Variants in ERO1A observed in about 807,000 individuals in gnomAD.
ERO1A encodes ERO1-like protein alpha.
ERO1A carries 49 observed loss-of-function variants against 76.9 expected under a neutral mutation model. The observed-to-expected ratio is 0.64, with a 90% CI of 0.51 to 0.81. ERO1A has a LOEUF of 0.81. Ranked by LOEUF, ERO1A falls within the 30% of genes least tolerant of loss-of-function variation. ERO1A has a pLI of 0.00. For missense variants in ERO1A, 448 were observed against 542.1 expected (o/e 0.83, Z 1.72); for synonymous variants, 174 against 181.2 (o/e 0.96, Z 0.32).
At chr14:52,680,082 C>CAAAAAAAAAAAAAAAAAA (rs35358193) in intron 3 of ERO1A, among the ~76,000 whole-genome samples, 4 of 90,922 alleles carry the variant, frequency 4.4e-5, no homozygotes, top group Admixed American at 1.3e-4. Flanking sequence ...AAAACACAAA[C>CAAAAAAAAAAAAAAAAAA]AAAAAAAAAA....
At chr14:52,682,470 T>G (rs1415955112) in intron 2 of ERO1A, 62 bp from the exon 3 acceptor site, 1 of 1,235,368 alleles carries the variant, frequency 8.1e-7, no homozygotes, top group Admixed American at 1.9e-5. Context: ...TAATTGACAG[T>G]TACAAATTAT....
At position 52,695,445 on chromosome 14, in the gene ERO1A, C is replaced by T. The variant is rs2041525153; in HGVS notation, c.37G>A (p.Gly13Ser). The T allele has an allele frequency of 1.3e-6, 2 of 1,548,942 alleles. No individual in the cohort carries two copies. The highest frequency in any genetic ancestry group is 8.7e-7 in the Non-Finnish European group (1 of 1,147,488). Residue 13 changes from glycine (G) to serine (S), a missense_variant, in exon 1 of 16, where the codon GGC becomes AGC. By Grantham distance (56) the Gly-to-Ser change is moderately conservative. This residue lies in a region of ERO1A where 146 missense variants were observed against 130.2 expected (regional missense o/e 1.12). Coordinates refer to ENST00000395686, the MANE Select transcript of ERO1A (RefSeq NM_014584.3). Reference sequence around the variant, plus strand: ...CCCGAGCTGAGCAGCCACACGGCGCCCAGGAGGCCAAACAAGAATCCCCAG... The same window carrying T: ...CCCGAGCTGAGCAGCCACACGGCGCTCAGGAGGCCAAACAAGAATCCCCAG... ...RGWGFLFGLL[G>S]AVWLLSSGHG... is the part of the protein sequence containing the mutation.
At chr14:52,658,465 G>T in intron 9 of ERO1A, 1 of 222,434 alleles carries the variant, frequency 4.5e-6, no homozygotes, top group Non-Finnish European at 8.6e-6. Flanking sequence ...GTCAAGAATG[G>T]GAAAATACCT....
chr14:52,676,329 TTCTC>T (rs1290468667), intron 4 of ERO1A, among the ~76,000 whole-genome samples: 3 of 152,200 alleles, frequency 2.0e-5, no homozygotes, highest in African/African-American at 7.2e-5. Context: ...AGCAAGACTA[TTCTC>T]TCTATGTAGG....
intron 6 of ERO1A, among the ~76,000 whole-genome samples, chr14:52,670,381 T>C (rs1200961135): frequency 3.3e-5 from 5 of 152,244 alleles, no homozygotes; most frequent in Non-Finnish European, 7.3e-5. Flanking sequence ...AGTTGTTTTT[T>C]TGGTCTTTTG....
At position 52,678,988 on chromosome 14, in the gene ERO1A, A is replaced by G. The variant is rs146281974; in HGVS notation, c.319-516T>C. On this transcript the variant is annotated intron_variant, in intron 3 of 15. Transcript: ENST00000395686. ...CTATTATCTAGAAGTAATAAGTTCT[A>G]TTATCTAGAACAAATCTATTAGTTC... Among the ~76,000 whole-genome samples the G allele has an allele frequency of 5.5e-4, 83 of 152,244 alleles. No individual in the cohort carries two copies. The East Asian group carries it at 0.011, about 20-fold the overall frequency.
intron 3 of ERO1A, among the ~76,000 whole-genome samples, chr14:52,682,070 G>A (rs937624414): frequency 9.2e-5 from 14 of 152,158 alleles, no homozygotes; most frequent in African/African-American, 2.9e-4. Context: ...AGGACTGCAC[G>A]ATTATTTTAG....
intron 3 of ERO1A, among the ~76,000 whole-genome samples, chr14:52,681,908 C>G (rs968964592): frequency 2.0e-5 from 3 of 151,736 alleles, no homozygotes; most frequent in Non-Finnish European, 4.4e-5. Flanking sequence ...AAATATCAGG[C>G]CAAAAGAATT....
rs117568574 is a variant in ERO1A, at chr14:52,672,660, C to T, written c.358-789G>A. 4.4e-4 allele frequency among the ~76,000 whole-genome samples: 66 copies of T among 151,424 alleles called. No individual in the cohort carries two copies. The East Asian group carries it at 0.012, about 27-fold the overall frequency. On this transcript the variant is annotated intron_variant, in intron 4 of 15. Transcript: ENST00000395686. ...TGGCATGTGCCTATAATACTAGCTA[C>T]TCAGGAAGTTGAGGTGGCAGGATTG...
intron 4 of ERO1A, among the ~76,000 whole-genome samples, chr14:52,672,446 C>T (rs1237978000): frequency 6.6e-6 from 1 of 152,062 alleles, no homozygotes; most frequent in Non-Finnish European, 1.5e-5. Flanking sequence ...AATAAGTTGT[C>T]TCTATGTTTT....
Position 52,673,870 on chromosome 14 carries a change from G to A in ERO1A, c.358-1999C>T, listed in dbSNP as rs557915958. 5.9e-5 allele frequency among the ~76,000 whole-genome samples: 9 copies of A among 152,100 alleles called. No homozygotes were observed. In the South Asian group the frequency reaches 6.2e-4, roughly 11 times the overall value. The stretch of plus-strand genomic sequence containing the variant: ...CTCCCACCTCAGCCTCCTGAGTAGC[G>A]AGGACTACAGGTGCATGCCACACAC... On this transcript the variant is annotated intron_variant, in intron 4 of 15. Coordinates refer to ENST00000395686, the MANE Select transcript of ERO1A (RefSeq NM_014584.3).
chr14:52,642,529 T>C lies in ERO1A; in HGVS notation c.*1041A>G, dbSNP rs925195361. 1 of 152,176 alleles carries C rather than the reference T, an allele frequency of 6.6e-6. No homozygotes were observed. Among genetic ancestry groups the C allele is most frequent in the Non-Finnish European group, 1.5e-5 (1 of 68,040 alleles). 9.4% of individuals were successfully genotyped at this position (152,176 alleles called of 1,614,324 possible). A position where few individuals can be genotyped will look rare whatever the true frequency, so the allele number is the denominator to read the frequency against. On this transcript the variant is annotated 3_prime_UTR_variant, in exon 16 of 16. Transcript: ENST00000395686. ...TTCCAGAATTGTGGGAGTTTTTTTT[T>C]CTGAGAAAATCATTTTTAGTAATTA...
In ERO1A at chr14:52,658,081, G is replaced by GA. The variant is rs377241560; in HGVS notation, c.715+42dup. The GA allele has an allele frequency of 2.0e-5, 30 of 1,499,392 alleles. No individual in the cohort carries two copies. In the African/African-American group the frequency reaches 3.5e-4, roughly 18 times the overall value. The allele number at this position is 1,499,392 out of a possible 1,614,324, so 92.9% of individuals were successfully genotyped here. ...TGTAGACATAAAATTAATCTCATGA[G>GA]AAAAAAACCATCATTGAAATTTATT... On this transcript the variant is annotated intron_variant, in intron 10 of 15. Coordinates refer to ENST00000395686, the MANE Select transcript of ERO1A (RefSeq NM_014584.3).
chr14:52,671,240 C>T (rs2040586376), intron 6 of ERO1A, among the ~76,000 whole-genome samples: 1 of 152,178 alleles, frequency 6.6e-6, no homozygotes, highest in Non-Finnish European at 1.5e-5. Flanking sequence ...TTTATCCATT[C>T]AAACAGTACT....
intron 9 of ERO1A, among the ~76,000 whole-genome samples, chr14:52,660,460 C>T (rs2040194985): frequency 6.6e-6 from 1 of 152,174 alleles, no homozygotes; most frequent in South Asian, 2.1e-4. Context: ...GTACCAGTAG[C>T]AAATATGAGG....
chr14:52,682,290 A>G (rs2041022684), intron 3 of ERO1A, 35 bp downstream of exon 3: 1 of 1,432,892 alleles, frequency 7.0e-7, no homozygotes, highest in Non-Finnish European at 9.6e-7. Flanking sequence ...ATGAAAAAAC[A>G]TGTAACAGTT....
At chr14:52,675,385 C>CA (rs1295109521) in intron 4 of ERO1A, among the ~76,000 whole-genome samples, 1,772 of 123,912 alleles carry the variant, frequency 0.014, 17 homozygotes, top group Middle Eastern at 0.042. Context: ...AACTCCGTCT[C>CA]AAAAAAAAAA....
Position 52,672,789 on chromosome 14 carries a change from A to C in ERO1A, c.358-918T>G, listed in dbSNP as rs535747020. Among the ~76,000 whole-genome samples, 97 of 150,654 alleles carry C rather than the reference A, an allele frequency of 6.4e-4. 1 individual carries two copies. Among genetic ancestry groups the C allele is most frequent in the African/African-American group, 2.2e-3 (91 of 40,972 alleles). On this transcript the variant is annotated intron_variant, in intron 4 of 15. Transcript: ENST00000395686. ...CCTGTCTCTGACCAAAAAAAAAAAAAAAAACAAAAAACAAACAAACAAAAA... is the reference window on the plus strand; with the variant it reads ...CCTGTCTCTGACCAAAAAAAAAAAACAAAACAAAAAACAAACAAACAAAAA...
At chr14:52,678,719 C>T (rs2040886836) in intron 3 of ERO1A, among the ~76,000 whole-genome samples, 1 of 152,142 alleles carries the variant, frequency 6.6e-6, no homozygotes, top group South Asian at 2.1e-4. Flanking sequence ...ATCATTTAGC[C>T]ATTATCCCTT....
Sources: allele counts gnomAD v4.1 joint callset (sites outside exome capture counted in the v4.1 genomes callset), GRCh38; gene constraint gnomAD v4.1.1; regional missense constraint gnomAD v4.1.1; transcripts MANE v1.5; gene names NCBI Gene and HGNC (gene_info 2026-07-23, HGNC 2026-07-21).